TENM3: variants seen among roughly 807,000 people sequenced by gnomAD.
TENM3 encodes teneurin transmembrane protein 3, also known as teneurin-3.
A neutral mutation model predicts 255.1 loss-of-function variants in TENM3; 63 were observed. The observed-to-expected ratio is 0.25, with a 90% CI of 0.20 to 0.30. The LOEUF (loss-of-function observed/expected upper bound fraction) is 0.30, where lower values mean the gene tolerates loss of function less well. Among genes scored for constraint, TENM3 ranks in the 10% least tolerant of loss-of-function variants. The pLI is 1.00. For synonymous variants in TENM3, 1,306 were observed against 1,322.3 expected (o/e 0.99, Z 0.27); for missense variants, 2,929 against 3,461.1 (o/e 0.85, Z 3.86).
the TENM3 span, among the ~76,000 whole-genome samples, chr4:181,499,980 TTA>T: frequency 6.6e-6 from 1 of 152,196 alleles, no homozygotes; most frequent in Non-Finnish European, 1.5e-5. Context: ...TGATTTTGAA[TTA>T]TGTTTCTTTT....
intron 3 of TENM3, among the ~76,000 whole-genome samples, chr4:182,546,726 A>G (rs1037992231): frequency 2.2e-4 from 33 of 152,216 alleles, no homozygotes; most frequent in African/African-American, 8.0e-4. Context: ...GAAATAGGGA[A>G]TCCTACCAGA....
chr4:181,577,373 T>C, the TENM3 span, among the ~76,000 whole-genome samples: 1 of 151,438 alleles, frequency 6.6e-6, no homozygotes, highest in African/African-American at 2.4e-5. Flanking sequence ...ATTTTCTCTT[T>C]GTCCTTGGAG....
the TENM3 span, among the ~76,000 whole-genome samples, chr4:181,949,027 G>A: frequency 6.6e-6 from 1 of 152,080 alleles, no homozygotes; most frequent in East Asian, 1.9e-4. Flanking sequence ...GTACAAAGGG[G>A]AGGCTAGACC....
chr4:182,736,561 A>G (rs1257544349), intron 16 of TENM3, among the ~76,000 whole-genome samples: 1 of 152,218 alleles, frequency 6.6e-6, no homozygotes, highest in Non-Finnish European at 1.5e-5. Flanking sequence ...TTGGGCTGGC[A>G]GCAGAGTTAT....
chr4:182,286,842 C>G (rs1240636837), intron 1 of TENM3, among the ~76,000 whole-genome samples: 1 of 152,158 alleles, frequency 6.6e-6, no homozygotes, highest in Admixed American at 6.6e-5. Flanking sequence ...GTGGTCCACT[C>G]TACACTTAGC....
the TENM3 span, among the ~76,000 whole-genome samples, chr4:181,969,043 A>C: frequency 6.6e-6 from 1 of 151,038 alleles, no homozygotes; most frequent in Non-Finnish European, 1.5e-5. Flanking sequence ...TGTATGTAAT[A>C]ATTTCCCCCA....
At chr4:181,857,036 A>C in the TENM3 span, among the ~76,000 whole-genome samples, 25,447 of 152,180 alleles carry the variant, frequency 0.17, 4,033 homozygotes, top group East Asian at 0.43. Context: ...CAAAACAGAA[A>C]AGATACTAAG....
chr4:182,152,849 A>G (rs1750437608), intron 1 of TENM3, among the ~76,000 whole-genome samples: 2 of 151,894 alleles, frequency 1.3e-5, no homozygotes, highest in African/African-American at 4.8e-5. Context: ...AAACCAAAGA[A>G]AAAAGATGTA....
chr4:182,429,697 C>T (rs904010388), intron 3 of TENM3, among the ~76,000 whole-genome samples: 1 of 152,270 alleles, frequency 6.6e-6, no homozygotes, highest in South Asian at 2.1e-4. Flanking sequence ...GGTCATCTAA[C>T]AGCTGCAGTT....
chr4:182,419,968 G>A (rs1580477442), intron 3 of TENM3, among the ~76,000 whole-genome samples: 2 of 151,952 alleles, frequency 1.3e-5, no homozygotes, highest in East Asian at 3.9e-4. Flanking sequence ...GTATACATAT[G>A]TAACAAACAT....
At chr4:182,186,357 A>G (rs1299609875) in intron 1 of TENM3, among the ~76,000 whole-genome samples, 1 of 152,174 alleles carries the variant, frequency 6.6e-6, no homozygotes, top group Non-Finnish European at 1.5e-5. Context: ...TAAAATATAT[A>G]AAATATATAC....
the TENM3 span, among the ~76,000 whole-genome samples, chr4:181,594,797 G>A: frequency 6.6e-6 from 1 of 152,216 alleles, no homozygotes; most frequent in Non-Finnish European, 1.5e-5. Context: ...TGGCCAAATA[G>A]AATTCTTGCT....
At chr4:181,548,251 G>A in the TENM3 span, among the ~76,000 whole-genome samples, 1 of 152,152 alleles carries the variant, frequency 6.6e-6, no homozygotes, top group Non-Finnish European at 1.5e-5. Flanking sequence ...AAGTCAGTGT[G>A]GCGATCCCTC....
At chr4:181,450,016 A>G in the TENM3 span, among the ~76,000 whole-genome samples, 5 of 152,202 alleles carry the variant, frequency 3.3e-5, no homozygotes, top group Non-Finnish European at 7.3e-5. Flanking sequence ...TAAGTAAATT[A>G]TCATTAAACT....
At chr4:181,569,635 T>C in the TENM3 span, among the ~76,000 whole-genome samples, 4 of 152,160 alleles carry the variant, frequency 2.6e-5, no homozygotes, top group African/African-American at 9.7e-5. Context: ...GTAAAAGTTG[T>C]ATAGGCCCTA....
chr4:181,985,596 A>C, the TENM3 span, among the ~76,000 whole-genome samples: 1 of 152,156 alleles, frequency 6.6e-6, no homozygotes, highest in Admixed American at 6.6e-5. Context: ...TTTCTGCATT[A>C]GCTGAGCAAT....
chr4:182,229,846 A>G (rs573812441), intron 1 of TENM3, among the ~76,000 whole-genome samples: 43 of 152,304 alleles, frequency 2.8e-4, no homozygotes, highest in South Asian at 1.5e-3. Flanking sequence ...CAGTGTACAT[A>G]ACATTGAAGA....
At chr4:181,603,322 G>A in the TENM3 span, among the ~76,000 whole-genome samples, 1 of 152,082 alleles carries the variant, frequency 6.6e-6, no homozygotes, top group East Asian at 1.9e-4. Flanking sequence ...ATTGTTGGGG[G>A]CGTCTATGGA....
At chr4:181,640,055 A>C in the TENM3 span, among the ~76,000 whole-genome samples, 1 of 152,176 alleles carries the variant, frequency 6.6e-6, no homozygotes, top group African/African-American at 2.4e-5. Flanking sequence ...GGTGGTACAC[A>C]GACAGCACTC....
Sources: gnomAD v4.1 joint callset for allele counts (sites outside exome capture counted in the v4.1 genomes callset) on GRCh38, gnomAD v4.1.1 for gene constraint, MANE v1.5 for transcripts, NCBI Gene and HGNC (gene_info 2026-07-23, HGNC 2026-07-21) for gene names.